The following IQSEC1 variants were observed in gnomAD, a reference collection of about 807,000 sequenced individuals.
IQSEC1 encodes IQ motif and SEC7 domain-containing protein 1.
In IQSEC1, 31 loss-of-function variants were observed where a neutral mutation model predicts 91.0. The ratio of observed to expected loss-of-function variants is 0.34; its 90% CI spans 0.26 to 0.46. The LOEUF is 0.46. Ranked by LOEUF, IQSEC1 falls within the 20% of genes least tolerant of loss-of-function variation. The probability of loss-of-function intolerance (pLI) is 1.00; values close to 1 mark genes in which losing one functional copy is unlikely to be tolerated. For missense variants in IQSEC1, 1,388 were observed against 1,575.6 expected, an observed-to-expected ratio of 0.88 and a Z score of 2.02; for synonymous variants, 699 against 662.6, an observed-to-expected ratio of 1.05 and a Z score of -0.84.
chr3:12,921,826 A>G (rs1258889669), intron 5 of IQSEC1, among the ~76,000 whole-genome samples: 1 of 152,240 alleles, frequency 6.6e-6, no homozygotes, highest in Non-Finnish European at 1.5e-5. Context: ...GTGAACAGCC[A>G]GAATCCTAGC....
At chr3:13,064,002 A>G (rs549770880) in intron 1 of IQSEC1, among the ~76,000 whole-genome samples, 1 of 46,362 alleles carries the variant, frequency 2.2e-5, no homozygotes, top group Admixed American at 3.9e-4. Context: ...TTGCAGTTGT[A>G]AAAAAAAAAA....
chr3:13,232,619 G>A (rs566956141), intron 1 of IQSEC1, among the ~76,000 whole-genome samples: 11 of 152,298 alleles, frequency 7.2e-5, no homozygotes, highest in East Asian at 3.9e-4. Flanking sequence ...GACAGTCCAC[G>A]AAAGTGAGCT....
intron 1 of IQSEC1, among the ~76,000 whole-genome samples, chr3:12,984,815 ATTTTTTT>A (rs767194681): frequency 0.019 from 1,946 of 102,116 alleles, 20 homozygotes; most frequent in African/African-American, 0.079. Flanking sequence ...AAGCAATTAC[ATTTTTTT>A]TTTTTTTTTT....
Position 12,987,416 on chromosome 3 carries a change from G to A in IQSEC1, c.24-45551C>T, listed in dbSNP as rs191456954. ...TGGGTATATGTGTGCACCTGGGGCC[G>A]TGCATGTGCACACATGTGCATGTGT... On this transcript the variant is annotated intron_variant, in intron 1 of 13. Transcript: ENST00000613206. 1.8e-4 allele frequency among the ~76,000 whole-genome samples: 28 copies of A among 152,362 alleles called. No individual in the cohort carries two copies. In the East Asian group the frequency reaches 4.2e-3, roughly 23 times the overall value.
Position 12,985,492 on chromosome 3 carries a change from C to A in IQSEC1, c.24-43627G>T, listed in dbSNP as rs983765228. On this transcript the variant is annotated intron_variant, in intron 1 of 13. Transcript: ENST00000613206. ...CACCGTTCTTTACTGCTTAACAATC[C>A]CCCCCCCCCCGCCAACCGTTTGCCC... Among the ~76,000 whole-genome samples, 9 of 6,226 alleles carry A rather than the reference C, an allele frequency of 1.4e-3. No homozygotes were observed. In the East Asian group the frequency reaches 0.2, roughly 135 times the overall value. The allele number at this position is 6,226 out of a possible 152,430, so 4.1% of individuals were successfully genotyped here.
intron 2 of IQSEC1, among the ~76,000 whole-genome samples, chr3:13,158,947 G>T (rs918990633): frequency 6.6e-6 from 1 of 151,434 alleles, no homozygotes; most frequent in Non-Finnish European, 1.5e-5. Context: ...GGGTGACAGA[G>T]TAGGACTCGG....
chr3:13,192,262 C>T (rs572817105), intron 1 of IQSEC1, among the ~76,000 whole-genome samples: 10 of 151,064 alleles, frequency 6.6e-5, no homozygotes, highest in South Asian at 6.3e-4. Context: ...GGCGTGACCC[C>T]GGGAGGCGGA....
chr3:13,123,806 T>A (rs1706464831), intron 2 of IQSEC1, among the ~76,000 whole-genome samples: 1 of 152,226 alleles, frequency 6.6e-6, no homozygotes, highest in South Asian at 2.1e-4. Context: ...ACCTGCAGCC[T>A]CCTGTCACTG....
intron 1 of IQSEC1, among the ~76,000 whole-genome samples, chr3:13,044,529 G>C (rs1337218417): frequency 6.6e-6 from 1 of 152,240 alleles, no homozygotes; most frequent in East Asian, 1.9e-4. Flanking sequence ...GGGACACCCA[G>C]TGTCATCGGA....
chr3:12,991,230 G>A (rs1048977204), intron 1 of IQSEC1, among the ~76,000 whole-genome samples: 1 of 152,204 alleles, frequency 6.6e-6, no homozygotes, highest in Non-Finnish European at 1.5e-5. Flanking sequence ...TGCCAAAGAG[G>A]TATCATGGAT....
At chr3:13,195,635 G>A (rs1490228365) in intron 1 of IQSEC1, among the ~76,000 whole-genome samples, 1 of 152,198 alleles carries the variant, frequency 6.6e-6, no homozygotes, top group African/African-American at 2.4e-5. Context: ...GTTACACACT[G>A]CATGATTCCA....
At chr3:12,998,869 C>T (rs1702318432) in intron 1 of IQSEC1, among the ~76,000 whole-genome samples, 1 of 151,326 alleles carries the variant, frequency 6.6e-6, no homozygotes, top group Non-Finnish European at 1.5e-5. Flanking sequence ...AGTGGGGGGT[C>T]GGGGGGCAGG....
chr3:13,203,263 G>C (rs561257314), intron 1 of IQSEC1, among the ~76,000 whole-genome samples: 3 of 152,046 alleles, frequency 2.0e-5, no homozygotes, highest in Admixed American at 6.5e-5. Context: ...CAGGCACACA[G>C]ACCACAGGTG....
In IQSEC1 at chr3:13,221,237, G is replaced by A. The variant is rs1281824393; in HGVS notation, c.273-57104C>T. Among the ~76,000 whole-genome samples, 4 of 152,326 alleles carry A rather than the reference G, an allele frequency of 2.6e-5. No individual in the cohort carries two copies. In the South Asian group the frequency reaches 8.3e-4, roughly 32 times the overall value. ...TGGGGTGCCTGGGTGGTGCCCAGAG[G>A]GATTTTCCTGAGGGTGGACACAGGC... On this transcript the variant is annotated intron_variant, in intron 1 of 15. Coordinates refer to the IQSEC1 transcript ENST00000648114.
At chr3:13,109,307 A>G (rs555675716) in intron 2 of IQSEC1, among the ~76,000 whole-genome samples, 2 of 152,094 alleles carry the variant, frequency 1.3e-5, no homozygotes, top group African/African-American at 4.8e-5. Flanking sequence ...TTCTTTCTTA[A>G]AAGAAGAGAG....
chr3:13,166,426 G>GC (rs1693497427), intron 1 of IQSEC1, among the ~76,000 whole-genome samples: 1 of 152,192 alleles, frequency 6.6e-6, no homozygotes, highest in Non-Finnish European at 1.5e-5. Flanking sequence ...CACGCCAGGA[G>GC]CTCCACATTC....
intron 6 of IQSEC1, among the ~76,000 whole-genome samples, chr3:12,920,082 T>C (rs1045050757): frequency 5.3e-5 from 8 of 152,252 alleles, no homozygotes; most frequent in African/African-American, 1.9e-4. Flanking sequence ...AGTAGCGATA[T>C]CAAGTCCCCT....
At chr3:13,104,036 T>C (rs1220274299) in intron 2 of IQSEC1, among the ~76,000 whole-genome samples, 1 of 152,102 alleles carries the variant, frequency 6.6e-6, no homozygotes, top group Non-Finnish European at 1.5e-5. Flanking sequence ...CACAACTAGT[T>C]AGTCATGGAG....
At chr3:13,162,235 A>G (rs1707192097) in intron 2 of IQSEC1, among the ~76,000 whole-genome samples, 1 of 152,218 alleles carries the variant, frequency 6.6e-6, no homozygotes, top group Non-Finnish European at 1.5e-5. Context: ...TCAGGTAAGC[A>G]GCTGCCTTCT....
Sources: allele counts gnomAD v4.1 joint callset (sites outside exome capture counted in the v4.1 genomes callset), GRCh38; gene constraint gnomAD v4.1.1; transcripts MANE v1.5; gene names NCBI Gene and HGNC (gene_info 2026-07-23, HGNC 2026-07-21).